MPP7: variants seen among roughly 807,000 people sequenced by gnomAD.
MPP7 encodes the protein MAGUK p55 subfamily member 7.
MPP7 carries 60 observed loss-of-function variants against 76.5 expected under a neutral mutation model. The ratio of observed to expected loss-of-function variants is 0.78; its 90% CI spans 0.64 to 0.97. The LOEUF (loss-of-function observed/expected upper bound fraction) is 0.97. Among genes scored for constraint, MPP7 ranks in the 50% least tolerant of loss-of-function variants. The pLI, the probability that MPP7 is intolerant of heterozygous loss-of-function variation, is 0.00. For missense variants in MPP7, 641 were observed against 694.0 expected, an observed-to-expected ratio of 0.92 and a Z score of 0.86; for synonymous variants, 237 against 244.5, an observed-to-expected ratio of 0.97 and a Z score of 0.29.
chr10:28,070,882 C>A (rs191783005), intron 12 of MPP7, among the ~76,000 whole-genome samples: 18 of 149,718 alleles, frequency 1.2e-4, no homozygotes, highest in African/African-American at 4.3e-4. Context: ...AGGCATAAGT[C>A]CCCCCTTTCC....
At chr10:28,140,670 G>T in intron 5 of MPP7, among the ~76,000 whole-genome samples, 1 of 152,102 alleles carries the variant, frequency 6.6e-6, no homozygotes, top group East Asian at 1.9e-4. Flanking sequence ...AAATCAACAG[G>T]ATAAATTGAA....
At chr10:28,114,278 G>C (rs1295310439) in intron 11 of MPP7, among the ~76,000 whole-genome samples, 1 of 152,130 alleles carries the variant, frequency 6.6e-6, no homozygotes, top group African/African-American at 2.4e-5. Context: ...TGGGGGTGGT[G>C]GCGCATGCCT....
At chr10:28,080,400 G>A (rs1349901442) in intron 12 of MPP7, among the ~76,000 whole-genome samples, 1 of 152,104 alleles carries the variant, frequency 6.6e-6, no homozygotes, top group Non-Finnish European at 1.5e-5. Context: ...GGGCCACCAA[G>A]CTCCCAATTC....
intron 1 of MPP7, among the ~76,000 whole-genome samples, chr10:28,242,574 T>A (rs753989688): frequency 1.3e-5 from 2 of 152,204 alleles, no homozygotes; most frequent in Non-Finnish European, 2.9e-5. Context: ...CAAAGCATGG[T>A]CCACAGACCC....
At chr10:28,096,980 CTTTTT>C (rs1026737302) in intron 11 of MPP7, among the ~76,000 whole-genome samples, 6 of 150,534 alleles carry the variant, frequency 4.0e-5, no homozygotes, top group African/African-American at 1.5e-4. Flanking sequence ...TTTAGCTTCT[CTTTTT>C]ATTTTTATTT....
chr10:28,132,540 AT>A (rs1161741653), intron 5 of MPP7, among the ~76,000 whole-genome samples: 5 of 152,156 alleles, frequency 3.3e-5, no homozygotes, highest in African/African-American at 4.8e-5. Flanking sequence ...AGCGATCCTA[AT>A]TCCTCAGCCT....
chr10:28,155,327 C>T (rs1053351075), intron 3 of MPP7, among the ~76,000 whole-genome samples: 6 of 152,108 alleles, frequency 3.9e-5, no homozygotes, highest in African/African-American at 1.4e-4. Context: ...CGGTGGCTCA[C>T]ACCGGTAAGC....
chr10:28,245,660 C>CG lies in MPP7; in HGVS notation c.-131-6926_-131-6925insC, dbSNP rs1235253763. 4.9e-5 allele frequency among the ~76,000 whole-genome samples: 7 copies of CG among 142,994 alleles called. No homozygotes were observed. In the East Asian group the frequency reaches 1.7e-3, roughly 34 times the overall value. The allele number at this position is 142,994 out of a possible 152,430, so 93.8% of individuals were successfully genotyped here. A position where few individuals can be genotyped will look rare whatever the true frequency, so the allele number is the denominator to read the frequency against. ...AATCAACAGATGGCCGCTTTTATCACATTTTTTTTTTCAAGACAGAGTTCC... is the reference window on the plus strand; with the variant it reads ...AATCAACAGATGGCCGCTTTTATCACGATTTTTTTTTTCAAGACAGAGTTCC... On this transcript the variant is annotated intron_variant, in intron 1 of 16. Coordinates refer to ENST00000683449, the MANE Select transcript of MPP7 (RefSeq NM_001318170.2).
In MPP7 at chr10:28,059,678, A is replaced by G; in HGVS notation, c.1270T>C (p.Leu424=). Residue 424 remains leucine, a synonymous_variant, in exon 14 of 17, where the codon TTG becomes CTG. Coordinates refer to ENST00000683449, the MANE Select transcript of MPP7 (RefSeq NM_001318170.2). The part of the protein sequence containing the change: ...GVEYIFISKH[L]FETDVQNNKF... ...TTATTTTGTACATCTGTCTCAAACA[A>G]ATGCTTGGAAATGAAAATGTATTCA... 1 of 1,613,246 alleles carries G rather than the reference A, an allele frequency of 6.2e-7. No individual in the cohort carries two copies. Among genetic ancestry groups the G allele is most frequent in the East Asian group, 2.2e-5 (1 of 44,784 alleles).
At chr10:28,257,184 A>T (rs1448606920) in intron 1 of MPP7, among the ~76,000 whole-genome samples, 1 of 152,196 alleles carries the variant, frequency 6.6e-6, no homozygotes, top group Non-Finnish European at 1.5e-5. Context: ...ATGTCACAGT[A>T]TTAAAAAGCA....
intron 1 of MPP7, among the ~76,000 whole-genome samples, chr10:28,240,889 C>T (rs1036120120): frequency 3.3e-5 from 5 of 152,024 alleles, no homozygotes; most frequent in African/African-American, 1.2e-4. Flanking sequence ...AAAATGTCTG[C>T]AGACACATTT....
chr10:28,226,082 G>A (rs1838678120), intron 2 of MPP7, among the ~76,000 whole-genome samples: 2 of 152,104 alleles, frequency 1.3e-5, no homozygotes, highest in Admixed American at 1.3e-4. Flanking sequence ...TCTGATACAT[G>A]CTACACCACA....
At chr10:28,141,779 A>G (rs1835528811) in intron 5 of MPP7, among the ~76,000 whole-genome samples, 1 of 152,024 alleles carries the variant, frequency 6.6e-6, no homozygotes, top group Non-Finnish European at 1.5e-5. Context: ...TTTATGACAT[A>G]AAAGAGAATT....
chr10:28,255,674 G>C (rs1047093890), intron 1 of MPP7, among the ~76,000 whole-genome samples: 2 of 152,008 alleles, frequency 1.3e-5, no homozygotes. Flanking sequence ...CAAAGTGCTG[G>C]GATTACAGGC....
intron 13 of MPP7, among the ~76,000 whole-genome samples, chr10:28,065,790 G>T (rs1019149290): frequency 6.6e-6 from 1 of 152,128 alleles, no homozygotes; most frequent in Admixed American, 6.5e-5. Context: ...GAACATGGAT[G>T]CTTTAAAACC....
chr10:28,100,371 A>C (rs1255211313), intron 11 of MPP7, among the ~76,000 whole-genome samples: 3 of 152,184 alleles, frequency 2.0e-5, no homozygotes, highest in Non-Finnish European at 4.4e-5. Context: ...ATGGAGGATA[A>C]TTAAGAACAT....
intron 12 of MPP7, among the ~76,000 whole-genome samples, chr10:28,087,476 A>G (rs547292717): frequency 1.3e-5 from 2 of 151,940 alleles, no homozygotes; most frequent in East Asian, 3.9e-4. Context: ...GCTCACTGCA[A>G]CCTCTGCCTC....
chr10:28,118,103 T>C (rs1588797142), intron 11 of MPP7: 2 of 968,084 alleles, frequency 2.1e-6, no homozygotes, highest in East Asian at 1.2e-4. Flanking sequence ...ATTGAAGTAT[T>C]AACATAAAAA....
intron 1 of MPP7, among the ~76,000 whole-genome samples, chr10:28,298,344 A>G (rs888403927): frequency 6.6e-6 from 1 of 152,242 alleles, no homozygotes; most frequent in African/African-American, 2.4e-5. Context: ...CCATGGGTAC[A>G]GAGTGGATGT....
Sources: gnomAD v4.1 joint callset for allele counts (sites outside exome capture counted in the v4.1 genomes callset) on GRCh38, gnomAD v4.1.1 for gene constraint, MANE v1.5 for transcripts, NCBI Gene and HGNC (gene_info 2026-07-23, HGNC 2026-07-21) for gene names.